Variants in VPS13B observed in about 807,000 individuals in gnomAD.
The protein encoded by VPS13B is vacuolar protein sorting 13 homolog B.
VPS13B carries 285 observed loss-of-function variants against 426.4 expected under a neutral mutation model. That is an observed-to-expected ratio of 0.67 (90% CI 0.61 to 0.74). The LOEUF (loss-of-function observed/expected upper bound fraction) is 0.74, where lower values mean the gene tolerates loss of function less well. VPS13B is among the 30% of genes least tolerant of loss of function. The pLI, the probability that VPS13B is intolerant of heterozygous loss-of-function variation, is 0.00. For synonymous variants in VPS13B, 1,676 were observed against 1,676.4 expected, an observed-to-expected ratio of 1.00 and a Z score of 0.01; for missense variants, 4,537 against 4,782.6, an observed-to-expected ratio of 0.95 and a Z score of 1.51.
intron 17 of VPS13B, among the ~76,000 whole-genome samples, chr8:99,229,048 T>C (rs752844633): frequency 2.6e-5 from 4 of 152,138 alleles, no homozygotes; most frequent in Non-Finnish European, 4.4e-5. Context: ...GGAGTGATTT[T>C]TGAAATGGAA....
intron 17 of VPS13B, among the ~76,000 whole-genome samples, chr8:99,235,333 A>G (rs1191369304): frequency 6.6e-6 from 1 of 152,202 alleles, no homozygotes; most frequent in Non-Finnish European, 1.5e-5. Flanking sequence ...TATATTGAAA[A>G]TTTATTTTAA....
chr8:99,187,615 T>G (rs2132712434), intron 16 of VPS13B, among the ~76,000 whole-genome samples: 1 of 152,298 alleles, frequency 6.6e-6, no homozygotes, highest in African/African-American at 2.4e-5. Context: ...AGTTGTTGGA[T>G]GGGATAGTGG....
intron 17 of VPS13B, among the ~76,000 whole-genome samples, chr8:99,262,475 T>A (rs890393562): frequency 6.6e-6 from 1 of 152,170 alleles, no homozygotes; most frequent in African/African-American, 2.4e-5. Flanking sequence ...TACACCTGTC[T>A]TATTAGTATT....
intron 30 of VPS13B, among the ~76,000 whole-genome samples, chr8:99,547,276 G>A (rs369981062): frequency 2.0e-5 from 3 of 152,004 alleles, no homozygotes; most frequent in African/African-American, 7.2e-5. Flanking sequence ...TGCCCTAATC[G>A]TTGGTGATGG....
chr8:99,609,194 G>A (rs1037514641), intron 33 of VPS13B, among the ~76,000 whole-genome samples: 5 of 152,060 alleles, frequency 3.3e-5, no homozygotes, highest in South Asian at 2.1e-4. Flanking sequence ...ACCCATGCAC[G>A]ATTTTGTAAC....
chr8:99,586,110 A>G lies in VPS13B; in HGVS notation c.5220+8477A>G, dbSNP rs576004314. Among the ~76,000 whole-genome samples, 77 of 152,318 alleles carry G rather than the reference A, an allele frequency of 5.1e-4. 3 individuals are homozygous for G. The South Asian group carries it at 0.013, about 25-fold the overall frequency. On this transcript the variant is annotated intron_variant, in intron 33 of 61. Transcript: ENST00000357162. ...CTCAAGTATCCTCAGAGTTTGACAG[A>G]AACGGGAGAGGGTATAAGCTTGATG...
chr8:99,692,985 A>G (rs1198782181), intron 35 of VPS13B, among the ~76,000 whole-genome samples: 2 of 148,872 alleles, frequency 1.3e-5, no homozygotes, highest in Non-Finnish European at 3.0e-5. Context: ...CTCTCCCAAG[A>G]CTAAACCAGG....
At chr8:99,809,928 G>A (rs1209802773) in intron 44 of VPS13B, among the ~76,000 whole-genome samples, 1 of 152,140 alleles carries the variant, frequency 6.6e-6, no homozygotes, top group Admixed American at 6.5e-5. Context: ...TCTCATGCAC[G>A]TGAGAATGAT....
chr8:99,676,793 T>A (rs1468869878), intron 35 of VPS13B, among the ~76,000 whole-genome samples: 4 of 152,088 alleles, frequency 2.6e-5, no homozygotes, highest in Non-Finnish European at 4.4e-5. Context: ...ATAATATGAT[T>A]TTTAAATGCA....
chr8:99,845,154 A>G (rs945162987), intron 54 of VPS13B, among the ~76,000 whole-genome samples: 2 of 152,196 alleles, frequency 1.3e-5, no homozygotes, highest in Non-Finnish European at 2.9e-5. Flanking sequence ...GGATTTTGCT[A>G]GAACACTACT....
chr8:99,414,687 G>C (rs947532592), intron 21 of VPS13B, among the ~76,000 whole-genome samples: 1 of 152,058 alleles, frequency 6.6e-6, no homozygotes, highest in Non-Finnish European at 1.5e-5. Flanking sequence ...AGTTTACTTT[G>C]GCTGGATATG....
At position 99,717,323 on chromosome 8, in the gene VPS13B, G is replaced by A. The variant is rs764048496; in HGVS notation, c.6607G>A (p.Glu2203Lys). ...WCKHSGNPGP[E>K]QSIPKISIDL... is the part of the protein sequence containing the mutation. ...TAAACACAGCGGGAATCCAGGCCCA[G>A]AACAATCCATACCAAAAATATCCAT... Residue 2203 changes from glutamate (E) to lysine (K), a missense_variant, in exon 37 of 62, where the codon GAA becomes AAA. Physicochemically the swap from Glu to Lys is moderately conservative, Grantham distance 56 (BLOSUM62 1). Transcript: ENST00000357162. 1.2e-6 allele frequency: 2 copies of A among 1,613,982 alleles called. No individual in the cohort carries two copies. Among genetic ancestry groups the A allele is most frequent in the South Asian group, 1.1e-5 (1 of 91,068 alleles).
chr8:99,711,166 A>T (rs548858783), intron 36 of VPS13B, among the ~76,000 whole-genome samples: 75 of 152,284 alleles, frequency 4.9e-4, no homozygotes, highest in Non-Finnish European at 9.4e-4. Flanking sequence ...ACTACAGATA[A>T]CTGTGTTCCC....
intron 16 of VPS13B, among the ~76,000 whole-genome samples, chr8:99,184,006 T>C (rs1403075515): frequency 1.3e-5 from 2 of 152,230 alleles, no homozygotes; most frequent in Non-Finnish European, 2.9e-5. Flanking sequence ...CTATAATATG[T>C]TGTGGTCTTT....
chr8:99,875,205 C>CTAAG lies in VPS13B; in HGVS notation c.11746-211_11746-208dup, dbSNP rs1230754668. ...AAATGCTTATTCTAAGGAGGCTGTC[C>CTAAG]TAAGTCTCATGCACAACTTTCAGTT... On this transcript the variant is annotated intron_variant, in intron 61 of 61. Coordinates refer to ENST00000357162, the MANE Select transcript of VPS13B (RefSeq NM_152564.5). The CTAAG allele has an allele frequency of 1.9e-5, 13 of 677,250 alleles. No individual in the cohort carries two copies. In the Admixed American group the frequency reaches 3.2e-4, roughly 17 times the overall value. The allele number at this position is 677,250 out of a possible 1,614,324, so 42.0% of individuals were successfully genotyped here. A position where few individuals can be genotyped will look rare whatever the true frequency, so the allele number is the denominator to read the frequency against.
intron 30 of VPS13B, among the ~76,000 whole-genome samples, chr8:99,540,827 C>T (rs1474459660): frequency 3.3e-5 from 5 of 152,096 alleles, no homozygotes; most frequent in East Asian, 1.9e-4. Context: ...ATTGTGGTTT[C>T]GAGGCCCTAT....
intron 43 of VPS13B, among the ~76,000 whole-genome samples, chr8:99,797,822 GTATA>G (rs1434465879): frequency 6.6e-6 from 1 of 152,116 alleles, no homozygotes; most frequent in African/African-American, 2.4e-5. Flanking sequence ...TAAACTGAAA[GTATA>G]TAGTGTAATC....
chr8:99,666,396 G>T (rs1830488250), intron 35 of VPS13B, among the ~76,000 whole-genome samples: 2 of 152,128 alleles, frequency 1.3e-5, no homozygotes, highest in Non-Finnish European at 1.5e-5. Flanking sequence ...GAACATCGAT[G>T]CAAAAATCCT....
intron 24 of VPS13B, among the ~76,000 whole-genome samples, chr8:99,478,442 GTTTTGTTTTTTTTTTT>G (rs1819819716): frequency 2.3e-5 from 1 of 43,520 alleles, no homozygotes; most frequent in Admixed American, 2.2e-4. Flanking sequence ...TTGTTTTTTT[GTTTTGTTTTTTTTTTT>G]TTTTTTTGTT....
Sources: gnomAD v4.1 joint callset for allele counts (sites outside exome capture counted in the v4.1 genomes callset) on GRCh38, gnomAD v4.1.1 for gene constraint, MANE v1.5 for transcripts, NCBI Gene and HGNC (gene_info 2026-07-23, HGNC 2026-07-21) for gene names.